RGS20: variants seen among roughly 807,000 people sequenced by gnomAD.
RGS20 encodes the protein gz-selective GTPase-activating protein.
A neutral mutation model predicts 33.6 loss-of-function variants in RGS20; 30 were observed. The observed-to-expected ratio is 0.89, with a 90% CI of 0.67 to 1.21. RGS20 has a LOEUF of 1.21. Among genes scored for constraint, RGS20 ranks in the 50% most tolerant of loss-of-function variants. The probability of loss-of-function intolerance (pLI) is 0.00; values close to 1 mark genes in which losing one functional copy is unlikely to be tolerated. For synonymous variants in RGS20, 208 were observed against 197.9 expected (o/e 1.05, Z -0.43); for missense variants, 472 against 502.4 (o/e 0.94, Z 0.58).
chr8:53,950,151 T>G (rs1814668634), intron 4 of RGS20, among the ~76,000 whole-genome samples: 1 of 152,170 alleles, frequency 6.6e-6, no homozygotes, highest in African/African-American at 2.4e-5. Context: ...GTTAACACAT[T>G]TCTTTAAGAA....
At chr8:53,866,518 A>G (rs1439340963) in intron 1 of RGS20, among the ~76,000 whole-genome samples, 3 of 152,026 alleles carry the variant, frequency 2.0e-5, no homozygotes, top group African/African-American at 7.2e-5. Flanking sequence ...CTGGGATTAC[A>G]GGAGGCACCC....
intron 2 of RGS20, among the ~76,000 whole-genome samples, chr8:53,927,980 T>G (rs1442785028): frequency 1.3e-5 from 2 of 152,224 alleles, no homozygotes; most frequent in Non-Finnish European, 2.9e-5. Context: ...AAGAGTTTGC[T>G]TAGTAAGGTA....
chr8:53,918,532 T>C (rs1813555018), intron 2 of RGS20, among the ~76,000 whole-genome samples: 1 of 151,936 alleles, frequency 6.6e-6, no homozygotes, highest in Non-Finnish European at 1.5e-5. Flanking sequence ...GGACTACAGG[T>C]GCCCACCACC....
chr8:53,915,144 CAAA>C (rs34526937), intron 2 of RGS20, among the ~76,000 whole-genome samples: 1 of 145,376 alleles, frequency 6.9e-6, no homozygotes, highest in Non-Finnish European at 1.5e-5. Flanking sequence ...GGCTCTGTCT[CAAA>C]AAAAAAAAAA....
intron 2 of RGS20, among the ~76,000 whole-genome samples, chr8:53,901,000 C>T (rs567111323): frequency 2.6e-5 from 4 of 152,200 alleles, no homozygotes; most frequent in East Asian, 1.9e-4. Flanking sequence ...TCACAGCATC[C>T]CACTGTACTC....
At chr8:53,915,582 A>C (rs951486289) in intron 2 of RGS20, among the ~76,000 whole-genome samples, 1 of 152,128 alleles carries the variant, frequency 6.6e-6, no homozygotes, top group Non-Finnish European at 1.5e-5. Flanking sequence ...TCACCCATGC[A>C]TGCAGCTGGG....
chr8:53,934,130 A>T (rs375022560), intron 2 of RGS20, among the ~76,000 whole-genome samples: 1 of 152,170 alleles, frequency 6.6e-6, no homozygotes, highest in South Asian at 2.1e-4. Context: ...GAAAGGAAAA[A>T]CCGGCATCAG....
At chr8:53,915,126 C>T (rs1052796040) in intron 2 of RGS20, among the ~76,000 whole-genome samples, 4 of 146,630 alleles carry the variant, frequency 2.7e-5, no homozygotes, top group East Asian at 2.0e-4. Flanking sequence ...GCCTGGGCAA[C>T]GGAGTGTGGC....
intron 2 of RGS20, among the ~76,000 whole-genome samples, chr8:53,924,617 C>A (rs1813744234): frequency 6.6e-6 from 1 of 152,186 alleles, no homozygotes; most frequent in Non-Finnish European, 1.5e-5. Context: ...AGCCACCATG[C>A]CCAGCTGCAA....
chr8:53,946,879 T>C, intron 4 of RGS20, 131 bp downstream of exon 3: 1 of 648,196 alleles, frequency 1.5e-6, no homozygotes, highest in Non-Finnish European at 2.5e-6. Flanking sequence ...AATCATTATG[T>C]GGCCTCGCAT....
chr8:53,920,451 A>AAGC (rs1813609765), intron 2 of RGS20, among the ~76,000 whole-genome samples: 1 of 152,174 alleles, frequency 6.6e-6, no homozygotes, highest in Non-Finnish European at 1.5e-5. Context: ...ATTTTTAAAT[A>AAGC]AGCAAGATCA....
At chr8:53,918,432 G>C (rs55938755) in intron 2 of RGS20, among the ~76,000 whole-genome samples, 3 of 149,480 alleles carry the variant, frequency 2.0e-5, no homozygotes, top group Non-Finnish European at 2.9e-5. Flanking sequence ...CTTGTTGCCC[G>C]GGCCGAAGTA....
At chr8:53,957,683 A>C (rs542121719) in intron 5 of RGS20, among the ~76,000 whole-genome samples, 152 of 152,324 alleles carry the variant, frequency 1.0e-3, no homozygotes, top group Admixed American at 2.5e-3. Flanking sequence ...AATAACAAGC[A>C]TCAGGGGCCC....
intron 2 of RGS20, chr8:53,879,678 C>T (rs545125597): frequency 1.6e-6 from 2 of 1,225,348 alleles, no homozygotes; most frequent in Non-Finnish European, 1.1e-6. Flanking sequence ...CTTCCTAACC[C>T]CAACTGACCC....
intron 2 of RGS20, among the ~76,000 whole-genome samples, chr8:53,894,795 C>T (rs530112037): frequency 5.5e-4 from 83 of 152,266 alleles, no homozygotes; most frequent in African/African-American, 1.9e-3. Context: ...AATCATTTCA[C>T]ATATTAAATG....
intron 2 of RGS20, among the ~76,000 whole-genome samples, chr8:53,929,210 GGATGTGTTCACCATCTTGATTGT>G (rs1445975269): frequency 1.3e-5 from 2 of 152,126 alleles, no homozygotes; most frequent in Non-Finnish European, 2.9e-5. Context: ...TTGAGGGTGA[GGATGTGTTCACCATCTTGATTGT>G]GATGATGGCT....
rs1255987155 is a variant in RGS20, at chr8:53,948,584, T to A, written c.743+1836T>A. 1.5e-3 allele frequency among the ~76,000 whole-genome samples: 98 copies of A among 64,238 alleles called. 3 individuals are homozygous for A. Among genetic ancestry groups the A allele is most frequent in the Non-Finnish European group, 1.9e-3 (68 of 36,538 alleles). 42.1% of individuals were successfully genotyped at this position (64,238 alleles called of 152,430 possible). The stretch of plus-strand genomic sequence containing the variant: ...AGTACATATTTACATATGCTATATA[T>A]GATACAGTACATATTTACATATGCT... On this transcript the variant is annotated intron_variant, in intron 4 of 5. Transcript: ENST00000297313.
chr8:53,904,928 T>G (rs896889582), intron 2 of RGS20, among the ~76,000 whole-genome samples: 1 of 152,226 alleles, frequency 6.6e-6, no homozygotes. Context: ...ATATAGGATG[T>G]TCATTTAGTA....
At chr8:53,858,562 T>C (rs548801384) in intron 1 of RGS20, among the ~76,000 whole-genome samples, 22 of 151,820 alleles carry the variant, frequency 1.4e-4, no homozygotes, top group Non-Finnish European at 2.9e-5. Flanking sequence ...GAAAGCATAA[T>C]GTGTATTTGT....
Sources: gnomAD v4.1 joint callset for allele counts (sites outside exome capture counted in the v4.1 genomes callset) on GRCh38, gnomAD v4.1.1 for gene constraint, MANE v1.5 for transcripts, NCBI Gene and HGNC (gene_info 2026-07-23, HGNC 2026-07-21) for gene names.